PTPRD: variants seen among roughly 807,000 people sequenced by gnomAD.
PTPRD encodes protein tyrosine phosphatase receptor type D.
In PTPRD, 34 loss-of-function variants were observed where a neutral mutation model predicts 214.5. The ratio of observed to expected loss-of-function variants is 0.16; its 90% confidence interval spans 0.12 to 0.21. The LOEUF is 0.21. Among genes scored for constraint, PTPRD ranks in the 10% least tolerant of loss-of-function variants. The pLI, the probability that PTPRD is intolerant of heterozygous loss-of-function variation, is 1.00. For missense variants in PTPRD, 2,545 were observed against 2,398.7 expected, an observed-to-expected ratio of 1.06 and a Z score of -1.27; for synonymous variants, 1,128 against 845.7, an observed-to-expected ratio of 1.33 and a Z score of -5.79.
chr9:10,507,994 C>A lies in PTPRD; in HGVS notation c.-600+104404G>T, dbSNP rs550623971. On this transcript the variant is annotated intron_variant, in intron 2 of 45. Transcript: ENST00000381196. Reference sequence around the variant, plus strand: ...AACTTTGGCACAGCAAAAGAAACTACCATCAGAGTGAACAGGCAACCTACA... The same window carrying A: ...AACTTTGGCACAGCAAAAGAAACTAACATCAGAGTGAACAGGCAACCTACA... Among the ~76,000 whole-genome samples, 30 of 152,212 alleles carry A rather than the reference C, an allele frequency of 2.0e-4. 1 individual carries two copies. Among genetic ancestry groups the A allele is most frequent in the Admixed American group, 2.0e-3 (30 of 15,284 alleles).
chr9:8,630,915 G>T (rs749924549), intron 14 of PTPRD, among the ~76,000 whole-genome samples: 1 of 151,888 alleles, frequency 6.6e-6, no homozygotes, highest in Non-Finnish European at 1.5e-5. Context: ...TCCTTTTAAG[G>T]AGTTCAAGGG....
intron 8 of PTPRD, among the ~76,000 whole-genome samples, chr9:9,480,316 T>C (rs1221927923): frequency 1.3e-5 from 2 of 152,096 alleles, no homozygotes; most frequent in Admixed American, 1.3e-4. Flanking sequence ...GAGACATTGC[T>C]CACAAGGGAG....
intron 5 of PTPRD, among the ~76,000 whole-genome samples, chr9:9,866,121 A>G (rs1600239425): frequency 6.6e-6 from 1 of 152,326 alleles, no homozygotes; most frequent in East Asian, 1.9e-4. Flanking sequence ...ATCTACATTT[A>G]ATATCTAGTT....
chr9:9,416,134 T>A (rs984738265), intron 8 of PTPRD, among the ~76,000 whole-genome samples: 2 of 152,322 alleles, frequency 1.3e-5, no homozygotes, highest in South Asian at 4.1e-4. Context: ...GCTTCTGTCC[T>A]ACTTCCAGCT....
At chr9:9,953,063 G>T (rs890014186) in intron 4 of PTPRD, among the ~76,000 whole-genome samples, 2 of 152,074 alleles carry the variant, frequency 1.3e-5, no homozygotes, top group Non-Finnish European at 2.9e-5. Flanking sequence ...TCAAAGACTT[G>T]AAAAATGCAA....
intron 8 of PTPRD, among the ~76,000 whole-genome samples, chr9:9,419,950 A>G (rs1248513782): frequency 1.3e-5 from 2 of 151,710 alleles, no homozygotes; most frequent in Non-Finnish European, 3.0e-5. Context: ...TCTTTGATCC[A>G]GCACCGACGT....
chr9:9,490,019 C>T (rs1330639925), intron 8 of PTPRD, among the ~76,000 whole-genome samples: 1 of 152,032 alleles, frequency 6.6e-6, no homozygotes, highest in African/African-American at 2.4e-5. Context: ...AGAAAAGCAA[C>T]TTGCCACATA....
chr9:8,486,851 T>C (rs187683319), intron 27 of PTPRD, among the ~76,000 whole-genome samples: 1 of 152,328 alleles, frequency 6.6e-6, no homozygotes, highest in East Asian at 1.9e-4. Flanking sequence ...CTCTATCTTC[T>C]ATAATGAGAA....
In PTPRD at chr9:9,775,954, C is replaced by CAAAAAAAA. The variant is rs59412193; in HGVS notation, c.-367-9111_-367-9104dup. Among the ~76,000 whole-genome samples the CAAAAAAAA allele has an allele frequency of 9.7e-4, 28 of 28,916 alleles. 2 individuals are homozygous for CAAAAAAAA. Among genetic ancestry groups the CAAAAAAAA allele is most frequent in the African/African-American group, 2.8e-3 (19 of 6,896 alleles). 19.0% of individuals were successfully genotyped at this position (28,916 alleles called of 152,430 possible). A position where few individuals can be genotyped will look rare whatever the true frequency, so the allele number is the denominator to read the frequency against. On this transcript the variant is annotated intron_variant, in intron 5 of 45. Transcript: ENST00000381196. The stretch of plus-strand genomic sequence containing the variant: ...TGGGCAACAGAGCAAGACTCTGTCT[C>CAAAAAAAA]AAAAAAAAAAAAAAAAAAAAAAAAA...
intron 5 of PTPRD, among the ~76,000 whole-genome samples, chr9:9,789,908 C>A (rs184673828): frequency 2.7e-4 from 40 of 150,426 alleles, no homozygotes; most frequent in African/African-American, 8.6e-4. Context: ...CTCATAAATT[C>A]TCTGGATGAA....
intron 12 of PTPRD, among the ~76,000 whole-genome samples, chr9:8,703,718 A>C (rs1389914597): frequency 2.0e-5 from 3 of 152,116 alleles, no homozygotes; most frequent in Non-Finnish European, 4.4e-5. Flanking sequence ...ATTTTGTCTA[A>C]TCCCGTGGCT....
chr9:10,561,769 G>T (rs1289038571), intron 2 of PTPRD, among the ~76,000 whole-genome samples: 4 of 151,976 alleles, frequency 2.6e-5, no homozygotes, highest in Non-Finnish European at 5.9e-5. Flanking sequence ...GTAAAATGAA[G>T]AACCGAGATT....
chr9:9,228,882 A>G (rs1230361145), intron 9 of PTPRD, among the ~76,000 whole-genome samples: 1 of 152,160 alleles, frequency 6.6e-6, no homozygotes, highest in African/African-American at 2.4e-5. Flanking sequence ...AGCAGGCTCC[A>G]CAAACAGTAC....
At position 8,485,559 on chromosome 9, in the gene PTPRD, G is replaced by A. The variant is rs1395192505; in HGVS notation, c.3055+203C>T. 11 of 629,332 alleles carry A rather than the reference G, an allele frequency of 1.7e-5. No individual in the cohort carries two copies. In the Admixed American group the frequency reaches 2.7e-4, roughly 16 times the overall value. 39.0% of individuals were successfully genotyped at this position (629,332 alleles called of 1,614,324 possible). On this transcript the variant is annotated intron_variant, in intron 28 of 45. Coordinates refer to ENST00000381196, the MANE Select transcript of PTPRD (RefSeq NM_002839.4). ...GTTTTCCTTACCTGAGGACATTGGG[G>A]TGCTGTCAGCCAGACTTGCTTGACA...
intron 21 of PTPRD, among the ~76,000 whole-genome samples, chr9:8,510,531 G>A (rs2097656842): frequency 6.6e-6 from 1 of 152,144 alleles, no homozygotes; most frequent in Non-Finnish European, 1.5e-5. Flanking sequence ...AGTTGATCAT[G>A]AACCTTCCAG....
intron 11 of PTPRD, among the ~76,000 whole-genome samples, chr9:8,946,020 T>G (rs1458909091): frequency 6.6e-6 from 1 of 152,172 alleles, no homozygotes. Context: ...CATGTTACTC[T>G]TGTAGAAAGA....
At chr9:9,083,530 A>G (rs561344888) in intron 10 of PTPRD, among the ~76,000 whole-genome samples, 40 of 152,304 alleles carry the variant, frequency 2.6e-4, no homozygotes, top group African/African-American at 8.9e-4. Context: ...AGCAATAGCA[A>G]CAAAAGCCAA....
At chr9:10,461,401 G>T (rs190605028) in intron 2 of PTPRD, among the ~76,000 whole-genome samples, 5 of 151,928 alleles carry the variant, frequency 3.3e-5, no homozygotes, top group South Asian at 2.1e-4. Context: ...TATGTTCATT[G>T]TAGCTTTATT....
In PTPRD at chr9:10,457,413, A is replaced by G. The variant is rs538777100; in HGVS notation, c.-599-116396T>C. 2.0e-5 allele frequency among the ~76,000 whole-genome samples: 3 copies of G among 152,112 alleles called. No homozygotes were observed. In the South Asian group the frequency reaches 6.2e-4, roughly 32 times the overall value. ...CTTTATATTCATGAAATTAGTCATC[A>G]TATAGTCTATAAAGTCTTGGTTATT... On this transcript the variant is annotated intron_variant, in intron 2 of 45. Coordinates refer to ENST00000381196, the MANE Select transcript of PTPRD (RefSeq NM_002839.4).
Sources: gnomAD v4.1 joint callset for allele counts (sites outside exome capture counted in the v4.1 genomes callset) on GRCh38, gnomAD v4.1.1 for gene constraint, MANE v1.5 for transcripts, NCBI Gene and HGNC (gene_info 2026-07-23, HGNC 2026-07-21) for gene names.